Variants in NDUFAF8 observed in about 807,000 individuals in gnomAD.
NDUFAF8 encodes the protein NADH:ubiquinone oxidoreductase complex assembly factor 8.
Under a neutral mutation model 9.9 loss-of-function variants are expected in NDUFAF8, and 9 were observed. The ratio of observed to expected loss-of-function variants is 0.91; its 90% CI spans 0.55 to 1.59. The LOEUF is 1.59. NDUFAF8 is among the 40% of genes most tolerant of loss of function. The probability of loss-of-function intolerance (pLI) is 0.00; values close to 1 mark genes in which losing one functional copy is unlikely to be tolerated. For synonymous variants in NDUFAF8, 63 were observed against 51.2 expected, an observed-to-expected ratio of 1.23 and a Z score of -0.98; for missense variants, 114 against 113.8, an observed-to-expected ratio of 1.00 and a Z score of -0.01.
chr17:81,240,910 G>T, intron 2 of NDUFAF8, 77 bp from the exon 3 acceptor site: 1 of 1,515,966 alleles, frequency 6.6e-7, no homozygotes, highest in Middle Eastern at 1.7e-4. Context: ...AGAACACAAC[G>T]TGTGGTGTGG....
rs1186849177 is a variant in NDUFAF8, at chr17:81,239,689, G to A, written c.195+11G>A. On this transcript the variant is annotated intron_variant, in intron 2 of 2. Coordinates refer to ENST00000431388, the MANE Select transcript of NDUFAF8 (RefSeq NM_001086521.2). ...TGCTTCGCCGCTGCGGTAGGTGGGCGCGGGCCCCTTCCCCCCTTCCCAGCC... is the reference window on the plus strand; with the variant it reads ...TGCTTCGCCGCTGCGGTAGGTGGGCACGGGCCCCTTCCCCCCTTCCCAGCC... 2 of 1,536,282 alleles carry A rather than the reference G, an allele frequency of 1.3e-6. No individual in the cohort carries two copies. The highest frequency in any genetic ancestry group is 2.5e-5 in the East Asian group (1 of 40,804).
At chr17:81,240,657 A>G (rs2062808233) in intron 2 of NDUFAF8, among the ~76,000 whole-genome samples, 1 of 145,508 alleles carries the variant, frequency 6.9e-6, no homozygotes, top group African/African-American at 2.6e-5. Flanking sequence ...CAACAAAGTG[A>G]GACTGCATCT....
At position 81,241,088 on chromosome 17, in the gene NDUFAF8, A is replaced by T. The variant is rs369042116; in HGVS notation, c.*72A>T. On this transcript the variant is annotated 3_prime_UTR_variant, in exon 3 of 3. Coordinates refer to ENST00000431388, the MANE Select transcript of NDUFAF8 (RefSeq NM_001086521.2). ...CCTAGTCCTGATGGCCCCTGGTGGC[A>T]CATATCGAATGCCTAGGGCAGAAAG... 1.0e-5 allele frequency: 16 copies of T among 1,556,734 alleles called. No homozygotes were observed. The African/African-American group carries it at 2.2e-4, about 21-fold the overall frequency.
At chr17:81,239,833 C>A in intron 2 of NDUFAF8, 155 bp downstream of exon 2, 3 of 825,878 alleles carry the variant, frequency 3.6e-6, no homozygotes, top group Non-Finnish European at 5.6e-6. Context: ...CATCGACGAG[C>A]CCGCGAAACC....
chr17:81,240,756 G>A (rs937401636), intron 2 of NDUFAF8, among the ~76,000 whole-genome samples: 8 of 151,994 alleles, frequency 5.3e-5, no homozygotes, highest in Non-Finnish European at 1.0e-4. Context: ...CAGAGGAGGG[G>A]GCAGCAGTGA....
chr17:81,239,735 G>C (rs755415624), intron 2 of NDUFAF8, 57 bp downstream of exon 2: 105 of 1,487,506 alleles, frequency 7.1e-5, no homozygotes, highest in Admixed American at 1.2e-4. Context: ...AAGAGCCAGC[G>C]GGCCCCGGCT....
At position 81,239,438 on chromosome 17, in the gene NDUFAF8, C is replaced by T. The variant is rs1403797043; in HGVS notation, c.75C>T (p.Cys25=). The T allele has an allele frequency of 3.7e-6, 5 of 1,359,908 alleles. No individual in the cohort carries two copies. The Admixed American group carries it at 1.2e-4, about 33-fold the overall frequency. 84.2% of individuals were successfully genotyped at this position (1,359,908 alleles called of 1,614,324 possible). ...CCTTCCCCGAGCGGCTGGCCGCCTG[C>T]GGGGCCGAGGTGAGGAGCCGCGGGC... ...LRAFPERLAA[C]GAEAAAYGRC... The change falls in exon 1 of 3, where the codon TGC becomes TGT. Residue 25 remains cysteine (C), a synonymous_variant. Coordinates refer to ENST00000431388, the MANE Select transcript of NDUFAF8 (RefSeq NM_001086521.2).
chr17:81,239,552 C>T lies in NDUFAF8; in HGVS notation c.85-16C>T, dbSNP rs2062791012. ...GGGTCAGGGGACCCCACGACCCACG[C>T]CCGTCCTTTCCGCAGGCCGCGGCGT... On this transcript the variant is annotated splice_polypyrimidine_tract_variant and intron_variant, in intron 1 of 2. Coordinates refer to ENST00000431388, the MANE Select transcript of NDUFAF8 (RefSeq NM_001086521.2). 6.6e-7 allele frequency: 1 copy of T among 1,525,336 alleles called. No individual in the cohort carries two copies. Among genetic ancestry groups the T allele is most frequent in the Non-Finnish European group, 8.8e-7 (1 of 1,140,328 alleles). The allele number at this position is 1,525,336 out of a possible 1,614,324, so 94.5% of individuals were successfully genotyped here. A position where few individuals can be genotyped will look rare whatever the true frequency, so the allele number is the denominator to read the frequency against.
intron 2 of NDUFAF8, chr17:81,240,490 T>C (rs957202436): frequency 1.3e-5 from 2 of 152,978 alleles, no homozygotes; most frequent in African/African-American, 4.9e-5. Context: ...GGGCAACATA[T>C]GGAGACCCCG....
rs958364165 is a variant in NDUFAF8 at position 81,241,013 on chromosome 17, T to C, written c.222T>C (p.Cys74=). 1.2e-6 allele frequency: 2 copies of C among 1,613,050 alleles called. No homozygotes were observed. The highest frequency in any genetic ancestry group is 8.5e-7 in the Non-Finnish European group (1 of 1,179,672). Residue 74 remains cysteine, a synonymous_variant, in exon 3 of 3, where the codon TGT becomes TGC. Transcript: ENST00000431388. ...AAAKKTLEGG[C] ...CCAAGAAGACGCTGGAGGGAGGCTG[T>C]TAGGAGGGACTCTGAGCTTCACACC...
chr17:81,240,680 A>T (rs1278152860), intron 2 of NDUFAF8, among the ~76,000 whole-genome samples: 1 of 146,492 alleles, frequency 6.8e-6, no homozygotes, highest in African/African-American at 2.5e-5. Flanking sequence ...AAAAAAAAAA[A>T]AGGGGGGGGG....
At chr17:81,240,032 G>A (rs2062799692) in intron 2 of NDUFAF8, 2 of 329,014 alleles carry the variant, frequency 6.1e-6, no homozygotes, top group Non-Finnish European at 1.1e-5. Flanking sequence ...AGCACCTTCC[G>A]GGTCTTCACC....
chr17:81,240,134 A>G (rs985463146), intron 2 of NDUFAF8: 1 of 209,616 alleles, frequency 4.8e-6, no homozygotes, highest in African/African-American at 2.4e-5. Flanking sequence ...CACAACTGGC[A>G]CGATAGGGCT....
chr17:81,240,652 A>G (rs930014930), intron 2 of NDUFAF8, among the ~76,000 whole-genome samples: 1 of 150,192 alleles, frequency 6.7e-6, no homozygotes, highest in Non-Finnish European at 1.5e-5. Flanking sequence ...CTAGGCAACA[A>G]AGTGAGACTG....
intron 2 of NDUFAF8, chr17:81,239,910 G>A (rs1481083184): frequency 1.5e-5 from 9 of 590,634 alleles, no homozygotes; most frequent in Non-Finnish European, 2.7e-5. Context: ...AGAAAGGATG[G>A]GAGATGTGTG....
intron 2 of NDUFAF8, among the ~76,000 whole-genome samples, chr17:81,240,668 CAA>C (rs58054276): frequency 1.9e-5 from 2 of 105,844 alleles, no homozygotes; most frequent in Admixed American, 1.1e-4. Context: ...GACTGCATCT[CAA>C]AAAAAAAAAA....
chr17:81,240,069 C>G (rs2062800248), intron 2 of NDUFAF8: 1 of 274,566 alleles, frequency 3.6e-6, no homozygotes, highest in Non-Finnish European at 7.1e-6. Context: ...CCCCTGTGCA[C>G]CTGCAGTGGT....
intron 2 of NDUFAF8, 71 bp from the exon 3 acceptor site, chr17:81,240,916 T>G: frequency 6.5e-7 from 1 of 1,545,442 alleles, no homozygotes; most frequent in Non-Finnish European, 8.8e-7. Context: ...CAACGTGTGG[T>G]GTGGTAGCTT....
rs1459702957 is a variant in NDUFAF8 at position 81,239,587 on chromosome 17, G to A, written c.104G>A (p.Cys35Tyr). The A allele has an allele frequency of 6.5e-7, 1 of 1,536,996 alleles. No individual in the cohort carries two copies. Among genetic ancestry groups the A allele is most frequent in the South Asian group, 1.2e-5 (1 of 83,850 alleles). Reference sequence around the variant, plus strand: ...CCGCAGGCCGCGGCGTACGGCAGGTGCGTGCAGGCCTCCACGGCCCCGGGC... The same window carrying A: ...CCGCAGGCCGCGGCGTACGGCAGGTACGTGCAGGCCTCCACGGCCCCGGGC... ...CGAEAAAYGRCVQASTAPGGR... is the reference protein window; with the variant it reads ...CGAEAAAYGRYVQASTAPGGR... Residue 35 changes from cysteine (C) to tyrosine (Y), a missense_variant, in exon 2 of 3, where the codon TGC (cysteine) becomes TAC (tyrosine). By Grantham distance (194) the Cys-to-Tyr change is radical (BLOSUM62 -2). Transcript: ENST00000431388.
Sources: gnomAD v4.1 joint callset for allele counts (sites outside exome capture counted in the v4.1 genomes callset) on GRCh38, gnomAD v4.1.1 for gene constraint, MANE v1.5 for transcripts, NCBI Gene and HGNC (gene_info 2026-07-23, HGNC 2026-07-21) for gene names.